MINDY4: variants seen among roughly 807,000 people sequenced by gnomAD.
MINDY4 encodes probable ubiquitin carboxyl-terminal hydrolase MINDY-4.
A neutral mutation model predicts 87.0 loss-of-function variants in MINDY4; 68 were observed. That is an observed-to-expected ratio of 0.78 (90% confidence interval 0.64 to 0.96). The LOEUF (loss-of-function observed/expected upper bound fraction) is 0.96. MINDY4 is among the 40% of genes least tolerant of loss of function. MINDY4 has a pLI of 0.00. For missense variants in MINDY4, 919 were observed against 928.2 expected, an observed-to-expected ratio of 0.99 and a Z score of 0.13; for synonymous variants, 379 against 363.2, an observed-to-expected ratio of 1.04 and a Z score of -0.50.
At position 30,817,278 on chromosome 7, in the gene MINDY4, G is replaced by A. The variant is rs140462837; in HGVS notation, c.1074-11401G>A. Among the ~76,000 whole-genome samples the A allele has an allele frequency of 5.1e-3, 768 of 151,636 alleles. 6 individuals carry two copies. Among genetic ancestry groups the A allele is most frequent in the African/African-American group, 0.018 (736 of 41,254 alleles). On this transcript the variant is annotated intron_variant, in intron 5 of 17. Coordinates refer to ENST00000265299, the MANE Select transcript of MINDY4 (RefSeq NM_032222.3). ...CTCCACCTATACCTAGAGGAGCTTGGCTGAGGAGCTACAGGAAACCAAAGA... is the reference window on the plus strand; with the variant it reads ...CTCCACCTATACCTAGAGGAGCTTGACTGAGGAGCTACAGGAAACCAAAGA...
intron 13 of MINDY4, among the ~76,000 whole-genome samples, chr7:30,865,008 T>C (rs528430273): frequency 6.6e-6 from 1 of 152,250 alleles, no homozygotes; most frequent in East Asian, 1.9e-4. Context: ...GGTTTAAGTG[T>C]GCTGTTCTGA....
At chr7:30,882,815 G>A (rs1446581770) in intron 16 of MINDY4, 106 bp from the exon 17 acceptor site, 20 of 936,468 alleles carry the variant, frequency 2.1e-5, no homozygotes, top group Non-Finnish European at 3.0e-5. Context: ...ATGGAGAGGA[G>A]GGGACAGGGA....
Position 30,791,253 on chromosome 7 carries a change from T to C in MINDY4, c.752T>C (p.Leu251Pro), listed in dbSNP as rs199816608. 38 of 1,614,052 alleles carry C rather than the reference T, an allele frequency of 2.4e-5. No homozygotes were observed. The Admixed American group carries it at 5.5e-4, about 23-fold the overall frequency. Residue 251 changes from leucine (L) to proline (P), a missense_variant, in exon 5 of 18, where the codon CTC (leucine) becomes CCC (proline). Coordinates refer to ENST00000265299, the MANE Select transcript of MINDY4 (RefSeq NM_032222.3). ...GAAGAGAGCCGGAAGGTCCCTGAGC[T>C]CTTTGTCTGCACCCAACAGGACATT... ...PQEESRKVPELFVCTQQDILA... is the reference protein window; with the variant it reads ...PQEESRKVPEPFVCTQQDILA...
At position 30,792,940 on chromosome 7, in the gene MINDY4, T is replaced by C. The variant is rs187577412; in HGVS notation, c.1073+1366T>C. Among the ~76,000 whole-genome samples the C allele has an allele frequency of 3.5e-3, 534 of 151,950 alleles. 2 individuals carry two copies. Among genetic ancestry groups the C allele is most frequent in the African/African-American group, 0.012 (505 of 41,542 alleles). On this transcript the variant is annotated intron_variant, in intron 5 of 17. Transcript: ENST00000265299. The stretch of plus-strand genomic sequence containing the variant: ...TCAGCCTTCTTCTTTTGTAATATGT[T>C]TTAAAGCTGCAAATTTCTCTGTAAG...
rs1377794821 is a variant in MINDY4, at chr7:30,849,909, C to T, written c.1446-545C>T. ...ATGTGCCCACTCAAAACACAGAGCTCATCCTTGAATCTGTCCTGCCACTCA... is the reference window on the plus strand; with the variant it reads ...ATGTGCCCACTCAAAACACAGAGCTTATCCTTGAATCTGTCCTGCCACTCA... On this transcript the variant is annotated intron_variant, in intron 9 of 17. Transcript: ENST00000265299. 2.0e-5 allele frequency among the ~76,000 whole-genome samples: 3 copies of T among 152,340 alleles called. No individual in the cohort carries two copies. In the East Asian group the frequency reaches 5.8e-4, roughly 29 times the overall value.
chr7:30,847,343 A>G (rs948997482), intron 9 of MINDY4, among the ~76,000 whole-genome samples: 4 of 152,214 alleles, frequency 2.6e-5, no homozygotes, highest in Middle Eastern at 3.2e-3. Context: ...TGGTGGTTCA[A>G]AGGGGCTGTA....
chr7:30,854,526 C>T (rs1203722514), intron 12 of MINDY4, among the ~76,000 whole-genome samples: 1 of 151,080 alleles, frequency 6.6e-6, no homozygotes, highest in Non-Finnish European at 1.5e-5. Context: ...AGGAAGAACA[C>T]AGACCTTTCT....
intron 6 of MINDY4, among the ~76,000 whole-genome samples, chr7:30,834,239 A>G (rs1402012807): frequency 2.0e-5 from 3 of 152,224 alleles, no homozygotes; most frequent in African/African-American, 7.2e-5. Context: ...AGGTGTTTCC[A>G]TACATCCTCT....
chr7:30,840,911 A>G, intron 9 of MINDY4, 63 bp downstream of exon 9: 2 of 1,449,382 alleles, frequency 1.4e-6, no homozygotes, highest in East Asian at 2.3e-5. Flanking sequence ...GTGTCCAGAA[A>G]AAACAAGCAA....
At chr7:30,782,233 G>A in intron 3 of MINDY4, 21 bp downstream of exon 3, 3 of 1,578,240 alleles carry the variant, frequency 1.9e-6, no homozygotes, top group Non-Finnish European at 2.6e-6. Context: ...CCATTATTAT[G>A]TTTATTAGTT....
intron 17 of MINDY4, among the ~76,000 whole-genome samples, 154 bp from the exon 18 acceptor site, chr7:30,891,803 G>C (rs1436377223): frequency 1.3e-5 from 2 of 152,214 alleles, no homozygotes; most frequent in Admixed American, 1.3e-4. Flanking sequence ...GTGTGGGTTT[G>C]TGTGAATTTG....
chr7:30,878,216 G>A (rs6975977), intron 15 of MINDY4, among the ~76,000 whole-genome samples: 11,018 of 152,086 alleles, frequency 0.072, 623 homozygotes, highest in African/African-American at 0.15. Flanking sequence ...CGTCCGCAGC[G>A]TTCACTCACT....
intron 15 of MINDY4, 40 bp downstream of exon 15, chr7:30,875,696 G>A: frequency 6.4e-7 from 1 of 1,567,856 alleles, no homozygotes; most frequent in Non-Finnish European, 8.7e-7. Flanking sequence ...AGGGGAGCCT[G>A]ACTCTCTGGA....
At chr7:30,788,138 A>G (rs1014115209) in intron 4 of MINDY4, among the ~76,000 whole-genome samples, 5 of 152,244 alleles carry the variant, frequency 3.3e-5, no homozygotes, top group African/African-American at 1.2e-4. Flanking sequence ...GCGTTGCAAT[A>G]TGGTGTTTTG....
Position 30,882,287 on chromosome 7 carries a change from G to A in MINDY4, c.2078G>A (p.Arg693Lys), listed in dbSNP as rs776192176. 4 of 1,613,862 alleles carry A rather than the reference G, an allele frequency of 2.5e-6. No individual in the cohort carries two copies. In the African/African-American group the frequency reaches 4.0e-5, roughly 16 times the overall value. Residue 693 changes from arginine (R) to lysine (K), a missense_variant, in exon 16 of 18, where the codon AGG becomes AAG. Coordinates refer to ENST00000265299, the MANE Select transcript of MINDY4 (RefSeq NM_032222.3). Reference sequence around the variant, plus strand: ...CAGCCGGGGCTCCTGCGTGACTGGAGGACTGAGAGGCTCTTTGACTTGTAC... The same window carrying A: ...CAGCCGGGGCTCCTGCGTGACTGGAAGACTGAGAGGCTCTTTGACTTGTAC... ...SLQPGLLRDW[R>K]TERLFDLYYY... is the part of the protein sequence containing the mutation.
At chr7:30,806,754 G>A (rs1339471390) in intron 5 of MINDY4, among the ~76,000 whole-genome samples, 1 of 152,258 alleles carries the variant, frequency 6.6e-6, no homozygotes, top group Non-Finnish European at 1.5e-5. Context: ...AAGGCTAGGG[G>A]AAGGTGGGTC....
intron 1 of MINDY4, among the ~76,000 whole-genome samples, chr7:30,776,830 C>T (rs541416483): frequency 6.6e-6 from 1 of 152,326 alleles, no homozygotes; most frequent in South Asian, 2.1e-4. Context: ...CCTTCTGTCT[C>T]TCCTGCATCT....
chr7:30,836,701 G>A lies in MINDY4; in HGVS notation c.1176G>A (p.Ser392=), dbSNP rs141888334. The change falls in exon 7 of 18, where the codon TCG becomes TCA. Residue 392 remains serine, a synonymous_variant. Coordinates refer to ENST00000265299, the MANE Select transcript of MINDY4 (RefSeq NM_032222.3). ...TGATAAGGGAAGAGGTCATCCTGTC[G>A]CCAGTCCCATCAGTGCTCAAGTTGC... ...DELIREEVIL[S]PVPSVLKLQT... is the part of the protein sequence containing the mutation. 3.4e-4 allele frequency: 556 copies of A among 1,614,140 alleles called. No homozygotes were observed. Among genetic ancestry groups the A allele is most frequent in the Non-Finnish European group, 4.0e-4 (470 of 1,179,998 alleles).
intron 5 of MINDY4, among the ~76,000 whole-genome samples, chr7:30,799,574 T>C (rs781715509): frequency 6.6e-6 from 1 of 152,214 alleles, no homozygotes. Flanking sequence ...TCAGGTTAGG[T>C]TCCTAAGAAC....
Sources: gnomAD v4.1 joint callset for allele counts (sites outside exome capture counted in the v4.1 genomes callset) on GRCh38, gnomAD v4.1.1 for gene constraint, MANE v1.5 for transcripts, NCBI Gene and HGNC (gene_info 2026-07-23, HGNC 2026-07-21) for gene names.